The following PRKD1 variants were observed in gnomAD, a reference collection of about 807,000 sequenced individuals.
The protein encoded by PRKD1 is serine/threonine-protein kinase D1.
A neutral mutation model predicts 95.9 loss-of-function variants in PRKD1; 63 were observed. The ratio of observed to expected loss-of-function variants is 0.66; its 90% confidence interval spans 0.54 to 0.81. The LOEUF (loss-of-function observed/expected upper bound fraction) is 0.81. Among genes scored for constraint, PRKD1 ranks in the 30% least tolerant of loss-of-function variants. The pLI, the probability that PRKD1 is intolerant of heterozygous loss-of-function variation, is 0.00. For missense variants in PRKD1, 1,048 were observed against 1,165.3 expected (o/e 0.90, Z 1.47); for synonymous variants, 425 against 423.1 (o/e 1.00, Z -0.05).
intron 1 of PRKD1, among the ~76,000 whole-genome samples, chr14:29,739,182 T>C (rs1886876885): frequency 6.6e-6 from 1 of 152,190 alleles, no homozygotes; most frequent in Non-Finnish European, 1.5e-5. Flanking sequence ...GTCTACCAAC[T>C]TCAGAAATCT....
intron 1 of PRKD1, among the ~76,000 whole-genome samples, chr14:29,764,113 G>C (rs1888153773): frequency 6.6e-6 from 1 of 151,928 alleles, no homozygotes; most frequent in African/African-American, 2.4e-5. Flanking sequence ...AAAGCATACG[G>C]GTCTTATCCT....
intron 13 of PRKD1, among the ~76,000 whole-genome samples, chr14:29,602,927 G>C (rs754909735): frequency 6.6e-6 from 1 of 152,172 alleles, no homozygotes; most frequent in Admixed American, 6.5e-5. Flanking sequence ...CAACTATTTT[G>C]TGCCATGTTC....
At position 29,655,939 on chromosome 14, in the gene PRKD1, TAAAAAAAGAA is replaced by T. The variant is rs200521539; in HGVS notation, c.696+7750_696+7759del. 2.1e-3 allele frequency among the ~76,000 whole-genome samples: 313 copies of T among 148,178 alleles called. 6 individuals are homozygous for T. In the East Asian group the frequency reaches 0.051, roughly 24 times the overall value. ...TATAATAAAAAATATATATATATATTAAAAAAAGAAAAAAAAAGAAAAGGTAAGTTCAGGA... is the reference window on the plus strand; with the variant it reads ...TATAATAAAAAATATATATATATATTAAAAAAAGAAAAGGTAAGTTCAGGA... On this transcript the variant is annotated intron_variant, in intron 4 of 17. Transcript: ENST00000331968.
At chr14:29,774,960 G>T (rs902606864) in intron 1 of PRKD1, among the ~76,000 whole-genome samples, 3 of 152,184 alleles carry the variant, frequency 2.0e-5, no homozygotes, top group Non-Finnish European at 4.4e-5. Context: ...CCAAGAAGTT[G>T]TAGTTATAAT....
intron 16 of PRKD1, among the ~76,000 whole-genome samples, chr14:29,583,772 T>C (rs1348577101): frequency 6.6e-6 from 1 of 152,188 alleles, no homozygotes; most frequent in Non-Finnish European, 1.5e-5. Flanking sequence ...CAGAGTTTTG[T>C]GCTTTATAAA....
At chr14:29,761,917 T>A (rs1161496190) in intron 1 of PRKD1, among the ~76,000 whole-genome samples, 1 of 151,756 alleles carries the variant, frequency 6.6e-6, no homozygotes, top group South Asian at 2.1e-4. Flanking sequence ...AAGTAGCTGG[T>A]ATTATGCCAC....
intron 1 of PRKD1, among the ~76,000 whole-genome samples, chr14:29,866,319 A>G (rs1360717414): frequency 6.6e-6 from 1 of 152,212 alleles, no homozygotes; most frequent in Non-Finnish European, 1.5e-5. Context: ...CAAATGGTTA[A>G]TTTCTTAATT....
intron 1 of PRKD1, among the ~76,000 whole-genome samples, chr14:29,919,986 A>AGAGAGAGAGAGAGAGAG (rs1566672106): frequency 1.2e-4 from 17 of 142,944 alleles, no homozygotes; most frequent in African/African-American, 4.2e-4. Flanking sequence ...GAGAGAGAGA[A>AGAGAGAGAGAGAGAGAG]AGAGAGGAAG....
chr14:29,870,978 C>A (rs1893085070), intron 1 of PRKD1, among the ~76,000 whole-genome samples: 1 of 152,198 alleles, frequency 6.6e-6, no homozygotes. Context: ...TATTCTAGTC[C>A]TTCTACCTTT....
chr14:29,862,269 G>A (rs1892737133), intron 1 of PRKD1, among the ~76,000 whole-genome samples: 1 of 152,074 alleles, frequency 6.6e-6, no homozygotes, highest in Non-Finnish European at 1.5e-5. Context: ...TTCATCTGTT[G>A]ACGGACACTT....
intron 13 of PRKD1, among the ~76,000 whole-genome samples, chr14:29,614,856 A>ATTTTTTTTTTTTTTT (rs55917722): frequency 8.6e-6 from 1 of 115,676 alleles, no homozygotes; most frequent in South Asian, 3.0e-4. Flanking sequence ...TGCCCAGCTA[A>ATTTTTTTTTTTTTTT]TTTTTTTTTT....
At chr14:29,755,011 AT>A (rs1887631603) in intron 1 of PRKD1, among the ~76,000 whole-genome samples, 1 of 152,086 alleles carries the variant, frequency 6.6e-6, no homozygotes, top group African/African-American at 2.4e-5. Flanking sequence ...AAATTCAATT[AT>A]GTTAATTCCT....
intron 1 of PRKD1, among the ~76,000 whole-genome samples, chr14:29,778,324 TTCAAAAAA>T (rs1888869917): frequency 6.6e-6 from 1 of 152,018 alleles, no homozygotes; most frequent in Non-Finnish European, 1.5e-5. Flanking sequence ...CAAAAAACCC[TTCAAAAAA>T]TCAATGAATC....
chr14:29,618,893 G>T (rs1410758104), intron 13 of PRKD1, among the ~76,000 whole-genome samples: 1 of 152,004 alleles, frequency 6.6e-6, no homozygotes. Flanking sequence ...ATCAAAATTT[G>T]ATCTGAGGAC....
intron 1 of PRKD1, among the ~76,000 whole-genome samples, chr14:29,822,238 T>C (rs950615204): frequency 3.3e-5 from 5 of 152,120 alleles, no homozygotes; most frequent in Admixed American, 3.3e-4. Flanking sequence ...CTATAGAAAA[T>C]AGTCACTGAC....
intron 13 of PRKD1, among the ~76,000 whole-genome samples, chr14:29,618,937 T>C (rs546079247): frequency 1.7e-4 from 26 of 152,254 alleles, no homozygotes; most frequent in African/African-American, 5.3e-4. Context: ...TTTTGCCCCA[T>C]TGGCATTTCA....
chr14:29,826,376 A>G (rs1294410237), intron 1 of PRKD1, among the ~76,000 whole-genome samples: 2 of 58,858 alleles, frequency 3.4e-5, no homozygotes, highest in Admixed American at 3.1e-4. Context: ...ATATACATAT[A>G]TATGATGGAA....
At chr14:29,665,639 G>A (rs1254374226) in intron 3 of PRKD1, among the ~76,000 whole-genome samples, 1 of 151,966 alleles carries the variant, frequency 6.6e-6, no homozygotes, top group Non-Finnish European at 1.5e-5. Flanking sequence ...CAATTGCAAA[G>A]GTATGGAATC....
intron 1 of PRKD1, among the ~76,000 whole-genome samples, chr14:29,821,722 T>C (rs546980208): frequency 1.3e-5 from 2 of 152,328 alleles, no homozygotes; most frequent in East Asian, 3.9e-4. Context: ...AAATTACTGA[T>C]GGGCAAAATA....
Sources: gnomAD v4.1 joint callset for allele counts (sites outside exome capture counted in the v4.1 genomes callset) on GRCh38, gnomAD v4.1.1 for gene constraint, MANE v1.5 for transcripts, NCBI Gene and HGNC (gene_info 2026-07-23, HGNC 2026-07-21) for gene names.